Variants in MSRA observed in about 807,000 individuals in gnomAD.
MSRA encodes the protein methionine sulfoxide reductase A.
A neutral mutation model predicts 31.3 loss-of-function variants in MSRA; 54 were observed. The observed-to-expected ratio is 1.73, with a 90% confidence interval of 1.39 to 2.17. The LOEUF (loss-of-function observed/expected upper bound fraction) is 2.17. Among genes scored for constraint, MSRA ranks in the 30% most tolerant of loss-of-function variants. The pLI, the probability that MSRA is intolerant of heterozygous loss-of-function variation, is 0.00. For missense variants in MSRA, 507 were observed against 300.9 expected (o/e 1.69, Z -5.07); for synonymous variants, 169 against 116.5 (o/e 1.45, Z -2.90).
intron 1 of MSRA, among the ~76,000 whole-genome samples, chr8:10,202,100 G>A (rs1211207169): frequency 6.6e-6 from 1 of 152,218 alleles, no homozygotes; most frequent in African/African-American, 2.4e-5. Flanking sequence ...TGTTTCTGTG[G>A]TGAAACATGC....
chr8:10,088,402 A>T (rs927412847), intron 1 of MSRA, among the ~76,000 whole-genome samples: 3 of 152,226 alleles, frequency 2.0e-5, no homozygotes, highest in African/African-American at 4.8e-5. Context: ...CTGCAGCATT[A>T]TTGACAATAG....
chr8:10,248,114 G>C (rs1420124941), intron 3 of MSRA, among the ~76,000 whole-genome samples: 1 of 152,120 alleles, frequency 6.6e-6, no homozygotes, highest in Non-Finnish European at 1.5e-5. Flanking sequence ...AAACCCCAAG[G>C]CTCTGGTAAG....
At chr8:10,404,930 G>A (rs1290202279) in intron 5 of MSRA, among the ~76,000 whole-genome samples, 1 of 152,194 alleles carries the variant, frequency 6.6e-6, no homozygotes, top group African/African-American at 2.4e-5. Flanking sequence ...CCCCACGATG[G>A]CTTTGGGCTT....
chr8:10,412,352 G>T (rs1208332508), intron 5 of MSRA, among the ~76,000 whole-genome samples: 2 of 152,180 alleles, frequency 1.3e-5, no homozygotes, highest in African/African-American at 2.4e-5. Flanking sequence ...CTGGTACTTT[G>T]TGTAATGCCC....
intron 5 of MSRA, among the ~76,000 whole-genome samples, chr8:10,386,012 T>C (rs895035213): frequency 6.6e-6 from 1 of 152,166 alleles, no homozygotes; most frequent in African/African-American, 2.4e-5. Flanking sequence ...ATTCAGACCC[T>C]GTCTGTGAGT....
intron 1 of MSRA, among the ~76,000 whole-genome samples, chr8:10,169,002 C>G: frequency 6.6e-6 from 1 of 152,218 alleles, no homozygotes; most frequent in East Asian, 1.9e-4. Context: ...GGTAGAACCT[C>G]ATGAGGGGAA....
chr8:10,120,665 G>T (rs1801043641), intron 1 of MSRA, among the ~76,000 whole-genome samples: 1 of 152,192 alleles, frequency 6.6e-6, no homozygotes. Flanking sequence ...TTAGAATACA[G>T]TAGGGGAGAT....
chr8:10,370,376 A>G (rs1013630089), intron 5 of MSRA, among the ~76,000 whole-genome samples: 5 of 152,210 alleles, frequency 3.3e-5, no homozygotes, highest in Admixed American at 3.3e-4. Context: ...CTTGTTATAC[A>G]TGGTGGCATA....
intron 5 of MSRA, among the ~76,000 whole-genome samples, chr8:10,359,609 A>G (rs1054696541): frequency 6.6e-6 from 1 of 151,756 alleles, no homozygotes; most frequent in Non-Finnish European, 1.5e-5. Context: ...TCAGCTTTGT[A>G]TGAAATTTGA....
At chr8:10,228,447 C>G (rs896882610) in intron 2 of MSRA, among the ~76,000 whole-genome samples, 2 of 152,104 alleles carry the variant, frequency 1.3e-5, no homozygotes, top group African/African-American at 4.8e-5. Flanking sequence ...ATTATGCTCC[C>G]TTCCCGAGAT....
chr8:10,340,545 G>A (rs1436421093), intron 5 of MSRA, among the ~76,000 whole-genome samples: 1 of 152,190 alleles, frequency 6.6e-6, no homozygotes, highest in Non-Finnish European at 1.5e-5. Context: ...GCTAGTTTTT[G>A]TATTTTTGGT....
At chr8:10,176,119 G>C (rs1806028469) in intron 1 of MSRA, among the ~76,000 whole-genome samples, 2 of 152,296 alleles carry the variant, frequency 1.3e-5, no homozygotes, top group South Asian at 4.1e-4. Context: ...GGAAATCTGT[G>C]TTTAATGCAG....
At chr8:10,174,549 C>T (rs1026043468) in intron 1 of MSRA, among the ~76,000 whole-genome samples, 1 of 152,084 alleles carries the variant, frequency 6.6e-6, no homozygotes. Context: ...TGAGCTCAGG[C>T]CCCAGCCTGC....
intron 2 of MSRA, among the ~76,000 whole-genome samples, chr8:10,214,036 T>C (rs1169591891): frequency 6.6e-6 from 1 of 152,206 alleles, no homozygotes; most frequent in African/African-American, 2.4e-5. Context: ...AGTAGCCTGA[T>C]GGCAATGTCT....
intron 5 of MSRA, among the ~76,000 whole-genome samples, chr8:10,375,039 A>G (rs1175658835): frequency 6.6e-6 from 1 of 152,226 alleles, no homozygotes; most frequent in African/African-American, 2.4e-5. Context: ...ACCAGAAGCC[A>G]AACAGATGCT....
chr8:10,066,365 A>T (rs764038951), intron 1 of MSRA, among the ~76,000 whole-genome samples: 2 of 152,188 alleles, frequency 1.3e-5, no homozygotes, highest in Non-Finnish European at 2.9e-5. Context: ...CAACTAACCA[A>T]TGTTCAGACC....
At chr8:10,114,294 A>G (rs1444550191) in intron 1 of MSRA, among the ~76,000 whole-genome samples, 1 of 152,172 alleles carries the variant, frequency 6.6e-6, no homozygotes, top group Non-Finnish European at 1.5e-5. Context: ...GTTGCTGTGA[A>G]CATTGGCGGA....
At chr8:10,348,282 A>AT (rs906723844) in intron 5 of MSRA, among the ~76,000 whole-genome samples, 8 of 132,244 alleles carry the variant, frequency 6.0e-5, no homozygotes, top group Admixed American at 3.2e-4. Context: ...CTCCGCGGAG[A>AT]TTTTTTTTTC....
At chr8:10,211,369 C>T (rs1809478086) in intron 2 of MSRA, among the ~76,000 whole-genome samples, 1 of 152,064 alleles carries the variant, frequency 6.6e-6, no homozygotes. Flanking sequence ...TTTTTCTGCC[C>T]CCATCATTCT....
Sources: allele counts gnomAD v4.1 joint callset (sites outside exome capture counted in the v4.1 genomes callset), GRCh38; gene constraint gnomAD v4.1.1; transcripts MANE v1.5; gene names NCBI Gene and HGNC (gene_info 2026-07-23, HGNC 2026-07-21).